Variants in NAP1L4 observed in about 807,000 individuals in gnomAD.
The protein encoded by NAP1L4 is nucleosome assembly protein 1 like 4, also known as nucleosome assembly protein 1-like 4.
NAP1L4 carries 15 observed loss-of-function variants against 58.2 expected under a neutral mutation model. The observed-to-expected ratio is 0.26, with a 90% CI of 0.17 to 0.40. The LOEUF (loss-of-function observed/expected upper bound fraction) is 0.40. Among genes scored for constraint, NAP1L4 ranks in the 10% least tolerant of loss-of-function variants. The pLI, the probability that NAP1L4 is intolerant of heterozygous loss-of-function variation, is 1.00. For synonymous variants in NAP1L4, 171 were observed against 155.6 expected, an observed-to-expected ratio of 1.10 and a Z score of -0.74; for missense variants, 384 against 451.1, an observed-to-expected ratio of 0.85 and a Z score of 1.35.
At chr11:2,968,817 C>G (rs1433188816) in intron 7 of NAP1L4, among the ~76,000 whole-genome samples, 2 of 152,148 alleles carry the variant, frequency 1.3e-5, no homozygotes, top group Non-Finnish European at 2.9e-5. Flanking sequence ...GCAAGTCAGT[C>G]AGTGAGACTT....
Position 2,949,373 on chromosome 11 carries a change from A to G in NAP1L4, c.1123-109T>C. ...ATTTCTCATGATACAAAAGGGCTGCAAGATACTGAACTCGGGGTGAACAAC... is the reference window on the plus strand; with the variant it reads ...ATTTCTCATGATACAAAAGGGCTGCGAGATACTGAACTCGGGGTGAACAAC... On this transcript the variant is annotated intron_variant, in intron 14 of 15. Transcript: ENST00000380542. This position sits in a 1 kb window ranked among gnomAD's most constrained non-coding sequence, Gnocchi z 4.0. The G allele has an allele frequency of 1.1e-6, 1 of 886,488 alleles. No homozygotes were observed. Among genetic ancestry groups the G allele is most frequent in the Non-Finnish European group, 1.9e-6 (1 of 528,220 alleles). 54.9% of individuals were successfully genotyped at this position (886,488 alleles called of 1,614,324 possible).
chr11:2,987,343 C>G (rs967497335), intron 1 of NAP1L4, among the ~76,000 whole-genome samples: 1 of 151,686 alleles, frequency 6.6e-6, no homozygotes, highest in Non-Finnish European at 1.5e-5. Context: ...CGCTCTGTCA[C>G]CCAAGGCGGG....
chr11:2,982,194 AC>A (rs1347064857), intron 1 of NAP1L4, among the ~76,000 whole-genome samples: 1 of 152,212 alleles, frequency 6.6e-6, no homozygotes, highest in Non-Finnish European at 1.5e-5. Context: ...CAATAGCAGG[AC>A]CGCTACAGTA....
intron 8 of NAP1L4, chr11:2,960,120 A>C (rs1166086729): frequency 1.9e-6 from 1 of 519,836 alleles, no homozygotes; most frequent in African/African-American, 1.9e-5. Context: ...TCAGTTCATG[A>C]GTAAGGGGCA....
rs1478069495 is a variant in NAP1L4 at position 2,944,659 on chromosome 11, A to T, written c.*1020T>A. 1.3e-5 allele frequency: 2 copies of T among 152,212 alleles called. No homozygotes were observed. Among genetic ancestry groups the T allele is most frequent in the African/African-American group, 4.8e-5 (2 of 41,446 alleles). 9.4% of individuals were successfully genotyped at this position (152,212 alleles called of 1,614,324 possible). A position where few individuals can be genotyped will look rare whatever the true frequency, so the allele number is the denominator to read the frequency against. On this transcript the variant is annotated 3_prime_UTR_variant, in exon 16 of 16. Transcript: ENST00000380542. Reference sequence around the variant, plus strand: ...ACCAAACCCAGGACCTTCAGACAGGATGAATGGTGGGGCCCCGCAATGGGG... The same window carrying T: ...ACCAAACCCAGGACCTTCAGACAGGTTGAATGGTGGGGCCCCGCAATGGGG...
chr11:2,964,802 A>G, intron 7 of NAP1L4, 51 bp from the exon 8 acceptor site: 2 of 1,352,118 alleles, frequency 1.5e-6, no homozygotes, highest in Non-Finnish European at 2.1e-6. Context: ...AAAACAACAC[A>G]TCTCTCCCGA....
Position 2,951,200 on chromosome 11 carries a change from TTTAA to T in NAP1L4, c.1122+55_1122+58del. The T allele has an allele frequency of 7.3e-7, 1 of 1,376,278 alleles. No individual in the cohort carries two copies. The highest frequency in any genetic ancestry group is 1.0e-6 in the Non-Finnish European group (1 of 974,140). The allele number at this position is 1,376,278 out of a possible 1,614,324, so 85.3% of individuals were successfully genotyped here. ...CTACTGCCTCAAAGTGGGGAACATTTTTAAAAGTCTAAGAGTGCAGCATAATAAG... is the reference window on the plus strand; with the variant it reads ...CTACTGCCTCAAAGTGGGGAACATTTAAGTCTAAGAGTGCAGCATAATAAG... On this transcript the variant is annotated intron_variant, in intron 14 of 15. Coordinates refer to ENST00000380542, the MANE Select transcript of NAP1L4 (RefSeq NM_005969.4). This position sits in a 1 kb window ranked among gnomAD's most constrained non-coding sequence, Gnocchi z 4.0.
chr11:2,950,143 C>T (rs1342426269), intron 14 of NAP1L4, among the ~76,000 whole-genome samples: 2 of 152,204 alleles, frequency 1.3e-5, no homozygotes, highest in Non-Finnish European at 2.9e-5. Context: ...CAGACCCAGG[C>T]CTTGGTCTCC....
chr11:2,984,018 A>G (rs1848478030), intron 1 of NAP1L4, among the ~76,000 whole-genome samples: 1 of 151,364 alleles, frequency 6.6e-6, no homozygotes, highest in Non-Finnish European at 1.5e-5. Flanking sequence ...ATGAGGCTGG[A>G]CACAGTGGTT....
intron 7 of NAP1L4, among the ~76,000 whole-genome samples, chr11:2,964,994 C>G (rs1366240297): frequency 2.6e-5 from 4 of 151,410 alleles, no homozygotes; most frequent in Non-Finnish European, 5.9e-5. Flanking sequence ...CCACTGCCAG[C>G]AAAGGGCAGT....
intron 8 of NAP1L4, 115 bp from the exon 9 acceptor site, chr11:2,960,024 G>A: frequency 9.1e-7 from 1 of 1,095,872 alleles, no homozygotes; most frequent in South Asian, 1.6e-5. Context: ...AACAGATAGG[G>A]CCATGAACAA....
chr11:2,991,910 C>T (rs999223031), intron 1 of NAP1L4: 2 of 152,240 alleles, frequency 1.3e-5, no homozygotes, highest in East Asian at 3.9e-4. Context: ...CTCTCGCCGT[C>T]TTCGCCTCCT....
chr11:2,974,734 A>G (rs1309609552), intron 4 of NAP1L4, among the ~76,000 whole-genome samples: 1 of 152,204 alleles, frequency 6.6e-6, no homozygotes, highest in East Asian at 1.9e-4. Flanking sequence ...TGTCTCTACT[A>G]AAAATACAAA....
chr11:2,980,496 C>G (rs1202743805), intron 1 of NAP1L4, among the ~76,000 whole-genome samples: 5 of 152,176 alleles, frequency 3.3e-5, no homozygotes, highest in African/African-American at 1.2e-4. Flanking sequence ...TATACAATTT[C>G]AAAATCTAAT....
Position 2,958,390 on chromosome 11 carries a change from C to G in NAP1L4, c.892+9G>C. 1.2e-6 allele frequency: 2 copies of G among 1,613,674 alleles called. No homozygotes were observed. The highest frequency in any genetic ancestry group is 1.7e-6 in the Non-Finnish European group (2 of 1,179,754). ...GAACATAATGAATATTAACAACCAA[C>G]AGACTTGCCTTTCAATGGATTGAAG... On this transcript the variant is annotated intron_variant, in intron 10 of 15. Transcript: ENST00000380542.
At chr11:2,988,458 T>A (rs1163224543) in intron 1 of NAP1L4, among the ~76,000 whole-genome samples, 1 of 152,234 alleles carries the variant, frequency 6.6e-6, no homozygotes, top group Non-Finnish European at 1.5e-5. Flanking sequence ...GACAAAGACT[T>A]CTGTTTTATT....
rs1847648013 is a variant in NAP1L4, at chr11:2,971,720, T to C, written c.316-186A>G. Reference sequence around the variant, plus strand: ...TGATTCCCTGGGTAAACCTGGATGTTTCACCTAAAGATGTAAAATAAAGAC... The same window carrying C: ...TGATTCCCTGGGTAAACCTGGATGTCTCACCTAAAGATGTAAAATAAAGAC... On this transcript the variant is annotated intron_variant, in intron 5 of 15. Coordinates refer to ENST00000380542, the MANE Select transcript of NAP1L4 (RefSeq NM_005969.4). The surrounding 1 kb of genome is among the most constrained non-coding windows in gnomAD (Gnocchi z 4.2). 6.6e-6 allele frequency among the ~76,000 whole-genome samples: 1 copy of C among 152,244 alleles called. No individual in the cohort carries two copies.
At chr11:2,983,267 G>T (rs1017059861) in intron 1 of NAP1L4, among the ~76,000 whole-genome samples, 1 of 152,160 alleles carries the variant, frequency 6.6e-6, no homozygotes, top group African/African-American at 2.4e-5. Context: ...AGCCAAAGAG[G>T]TTCACCTTCC....
chr11:2,958,219 G>T lies in NAP1L4; in HGVS notation c.892+180C>A, dbSNP rs192884599. On this transcript the variant is annotated intron_variant, in intron 10 of 15. Transcript: ENST00000380542. Reference sequence around the variant, plus strand: ...TACTCTTACTGTCCTAGCTACCTCTGCCCCCCGCGATAAACTTGCCAGCGC... The same window carrying T: ...TACTCTTACTGTCCTAGCTACCTCTTCCCCCCGCGATAAACTTGCCAGCGC... The T allele has an allele frequency of 5.6e-4, 396 of 711,568 alleles. 14 individuals carry two copies. The South Asian group carries it at 5.8e-3, about 10-fold the overall frequency. The allele number at this position is 711,568 out of a possible 1,614,324, so 44.1% of individuals were successfully genotyped here. A position where few individuals can be genotyped will look rare whatever the true frequency, so the allele number is the denominator to read the frequency against.
Sources: gnomAD v4.1 joint callset for allele counts (sites outside exome capture counted in the v4.1 genomes callset) on GRCh38, gnomAD v4.1.1 for gene constraint, Gnocchi (gnomAD v3.1) non-coding constraint, MANE v1.5 for transcripts, NCBI Gene and HGNC (gene_info 2026-07-23, HGNC 2026-07-21) for gene names.